Variants in DIP2B observed in about 807,000 individuals in gnomAD.
DIP2B encodes the protein disco-interacting protein 2 homolog B.
A neutral mutation model predicts 198.0 loss-of-function variants in DIP2B; 76 were observed. That is an observed-to-expected ratio of 0.38 (90% confidence interval 0.32 to 0.46). The LOEUF (loss-of-function observed/expected upper bound fraction) is 0.46. Ranked by LOEUF, DIP2B falls within the 20% of genes least tolerant of loss-of-function variation. The pLI is 0.99. For missense variants in DIP2B, 1,559 were observed against 1,978.4 expected (o/e 0.79, Z 4.02); for synonymous variants, 701 against 739.1 (o/e 0.95, Z 0.84).
chr12:50,704,086 A>G (rs1565876813), intron 19 of DIP2B, 54 bp from the exon 20 acceptor site: 3 of 1,520,132 alleles, frequency 2.0e-6, no homozygotes, highest in Non-Finnish European at 2.7e-6. Context: ...TAAAAATCAC[A>G]TATACTTTCT....
intron 1 of DIP2B, among the ~76,000 whole-genome samples, chr12:50,592,348 A>T (rs116670836): frequency 0.012 from 1,812 of 149,036 alleles, 43 homozygotes; most frequent in African/African-American, 0.042. Flanking sequence ...CTAATTTTTA[A>T]TTTTTTTTGT....
intron 34 of DIP2B, 82 bp downstream of exon 34, chr12:50,735,212 T>C (rs1940115682): frequency 2.7e-6 from 4 of 1,500,458 alleles, no homozygotes; most frequent in Non-Finnish European, 3.7e-6. Context: ...CCATATAATA[T>C]ATTAGTGTCC....
chr12:50,571,718 A>G (rs1269489236), intron 1 of DIP2B, among the ~76,000 whole-genome samples: 2 of 151,708 alleles, frequency 1.3e-5, no homozygotes, highest in Non-Finnish European at 2.9e-5. Context: ...ACGCCTGGCT[A>G]ATTTTTTGTA....
chr12:50,601,170 C>T (rs1322441073), intron 1 of DIP2B, among the ~76,000 whole-genome samples: 3 of 152,174 alleles, frequency 2.0e-5, no homozygotes, highest in Non-Finnish European at 4.4e-5. Flanking sequence ...TGGCACATCC[C>T]AAGTGCCTAG....
At chr12:50,720,482 T>G (rs1310781548) in intron 25 of DIP2B, among the ~76,000 whole-genome samples, 1 of 152,106 alleles carries the variant, frequency 6.6e-6, no homozygotes, top group Non-Finnish European at 1.5e-5. Flanking sequence ...AGGAATATGT[T>G]GTGCATCTTA....
rs371393174 is a variant in DIP2B at position 50,621,335 on chromosome 12, T to C, written c.101-4641T>C. ...TCAGGCAGTCCAAGCATTGCTTTTT[T>C]GTTCACCTTTAAGATCTAGCTGTCA... On this transcript the variant is annotated intron_variant, in intron 1 of 37. Transcript: ENST00000301180. Among the ~76,000 whole-genome samples, 199 of 152,390 alleles carry C rather than the reference T, an allele frequency of 1.3e-3. 5 individuals are homozygous for C. The South Asian group carries it at 0.039, about 30-fold the overall frequency.
At chr12:50,551,997 A>G (rs184682679) in intron 1 of DIP2B, among the ~76,000 whole-genome samples, 18 of 152,240 alleles carry the variant, frequency 1.2e-4, no homozygotes, top group Admixed American at 6.5e-4. Context: ...ACTGTTTTTT[A>G]TAGTGGCTGC....
At chr12:50,698,067 G>A (rs557923850) in intron 17 of DIP2B, among the ~76,000 whole-genome samples, 1 of 151,304 alleles carries the variant, frequency 6.6e-6, no homozygotes, top group Non-Finnish European at 1.5e-5. Context: ...GCTAATTTTT[G>A]TATTTTTTGT....
Position 50,616,941 on chromosome 12 carries a change from T to C in DIP2B, c.101-9035T>C, listed in dbSNP as rs576926340. Among the ~76,000 whole-genome samples the C allele has an allele frequency of 7.5e-4, 114 of 152,314 alleles. 2 individuals carry two copies. The highest frequency in any genetic ancestry group is 6.8e-3 in the Middle Eastern group (2 of 294). ...ACATTCTCAGCTATATTTTTATCTC[T>C]TTCTCTTTATTTGTCTACTTGTATC... On this transcript the variant is annotated intron_variant, in intron 1 of 37. Transcript: ENST00000301180.
At position 50,731,685 on chromosome 12, in the gene DIP2B, G is replaced by C. The variant is rs913355678; in HGVS notation, c.3810+148G>C. On this transcript the variant is annotated intron_variant, in intron 31 of 37. Transcript: ENST00000301180. ...AAAAAAGGGTGTATTTTAAACTTTG[G>C]CAAGTTTATCTCTTCCACCTTCCTA... is the stretch of plus-strand genomic sequence containing the variant. 6 of 935,830 alleles carry C rather than the reference G, an allele frequency of 6.4e-6. No homozygotes were observed. In the African/African-American group the frequency reaches 6.6e-5, roughly 10 times the overall value. 58.0% of individuals were successfully genotyped at this position (935,830 alleles called of 1,614,324 possible).
At chr12:50,532,570 A>G (rs1211319336) in intron 1 of DIP2B, among the ~76,000 whole-genome samples, 1 of 152,174 alleles carries the variant, frequency 6.6e-6, no homozygotes, top group Admixed American at 6.5e-5. Flanking sequence ...TGGAACATGC[A>G]TTGTGAAGAC....
chr12:50,527,930 G>GTTT (rs537283926), intron 1 of DIP2B, among the ~76,000 whole-genome samples: 9 of 141,484 alleles, frequency 6.4e-5, no homozygotes, highest in Non-Finnish European at 7.7e-5. Flanking sequence ...AATTCCTTCT[G>GTTT]TTTTTTTTTT....
At chr12:50,532,068 GTGATCA>G (rs1350019016) in intron 1 of DIP2B, among the ~76,000 whole-genome samples, 2 of 152,196 alleles carry the variant, frequency 1.3e-5, no homozygotes, top group Admixed American at 1.3e-4. Context: ...TGCTGCTGGA[GTGATCA>G]TTCAGGATGC....
At chr12:50,528,667 AAG>A (rs1276241377) in intron 1 of DIP2B, among the ~76,000 whole-genome samples, 4 of 152,264 alleles carry the variant, frequency 2.6e-5, no homozygotes, top group African/African-American at 9.6e-5. Flanking sequence ...TCACCCAGGA[AAG>A]AGGGCTTAGA....
At chr12:50,702,958 G>A (rs935531145) in intron 19 of DIP2B, among the ~76,000 whole-genome samples, 1 of 152,022 alleles carries the variant, frequency 6.6e-6, no homozygotes, top group African/African-American at 2.4e-5. Context: ...GAGTATGGTG[G>A]CTCACTCCTG....
chr12:50,734,319 GGGA>G (rs1344033251), intron 33 of DIP2B, 123 bp downstream of exon 33: 2 of 962,966 alleles, frequency 2.1e-6, no homozygotes, highest in African/African-American at 3.3e-5. Context: ...AATGGGAAGA[GGGA>G]AGGAATTTGT....
intron 19 of DIP2B, 150 bp from the exon 20 acceptor site, chr12:50,703,990 A>G (rs973043868): frequency 8.0e-6 from 4 of 502,330 alleles, no homozygotes; most frequent in African/African-American, 4.0e-5. Flanking sequence ...ATAAATTGTA[A>G]TTATTTCTTA....
At position 50,560,396 on chromosome 12, in the gene DIP2B, C is replaced by CAAAAA. The variant is rs1243608970; in HGVS notation, c.100+55165_100+55169dup. On this transcript the variant is annotated intron_variant, in intron 1 of 37. Coordinates refer to ENST00000301180, the MANE Select transcript of DIP2B (RefSeq NM_173602.3). ...GGGCAACGGAGCAAGACTCCATCTC[C>CAAAAA]AAAAAAAAAAAAAGCAAAAAACTTA... is the stretch of plus-strand genomic sequence containing the variant. Among the ~76,000 whole-genome samples the CAAAAA allele has an allele frequency of 4.2e-3, 481 of 115,766 alleles. 3 individuals are homozygous for CAAAAA. Among genetic ancestry groups the CAAAAA allele is most frequent in the African/African-American group, 0.014 (453 of 31,284 alleles). 75.9% of individuals were successfully genotyped at this position (115,766 alleles called of 152,430 possible).
At chr12:50,697,023 T>C (rs768702267) in intron 16 of DIP2B, 38 bp from the exon 17 acceptor site, 15 of 1,499,982 alleles carry the variant, frequency 1.0e-5, no homozygotes, top group Non-Finnish European at 1.4e-5. Context: ...ATGAAAAGCA[T>C]AATTTCAGCT....
Sources: gnomAD v4.1 joint callset for allele counts (sites outside exome capture counted in the v4.1 genomes callset) on GRCh38, gnomAD v4.1.1 for gene constraint, MANE v1.5 for transcripts, NCBI Gene and HGNC (gene_info 2026-07-23, HGNC 2026-07-21) for gene names.